Variants in PTPRD observed in about 807,000 individuals in gnomAD.
PTPRD encodes the protein receptor-type tyrosine-protein phosphatase delta.
Under a neutral mutation model 214.5 loss-of-function variants are expected in PTPRD, and 34 were observed. The observed-to-expected ratio is 0.16, with a 90% confidence interval of 0.12 to 0.21. The LOEUF (loss-of-function observed/expected upper bound fraction) is 0.21, where lower values mean the gene tolerates loss of function less well. Ranked by LOEUF, PTPRD falls within the 10% of genes least tolerant of loss-of-function variation. The pLI is 1.00. For synonymous variants in PTPRD, 1,128 were observed against 845.7 expected (o/e 1.33, Z -5.79); for missense variants, 2,545 against 2,398.7 (o/e 1.06, Z -1.27).
chr9:8,906,784 G>C (rs2098710788), intron 11 of PTPRD, among the ~76,000 whole-genome samples: 1 of 151,950 alleles, frequency 6.6e-6, no homozygotes, highest in Admixed American at 6.6e-5. Context: ...CTTTTCGGCA[G>C]ACTATATGAC....
intron 9 of PTPRD, among the ~76,000 whole-genome samples, chr9:9,218,794 G>A (rs1569563799): frequency 6.6e-6 from 1 of 152,066 alleles, no homozygotes; most frequent in Non-Finnish European, 1.5e-5. Flanking sequence ...TGTCATGAAT[G>A]CCCGGCCCTC....
chr9:8,768,431 A>G (rs941105767), intron 11 of PTPRD, among the ~76,000 whole-genome samples: 4 of 152,138 alleles, frequency 2.6e-5, no homozygotes, highest in Non-Finnish European at 5.9e-5. Context: ...ACACACCTGT[A>G]GTCCCAGCTA....
At chr9:10,293,122 G>C (rs1012005055) in intron 3 of PTPRD, among the ~76,000 whole-genome samples, 6 of 151,894 alleles carry the variant, frequency 4.0e-5, no homozygotes, top group Non-Finnish European at 8.8e-5. Flanking sequence ...GGATCATGCA[G>C]ATAATGGCTA....
chr9:9,517,223 A>G (rs984090001), intron 8 of PTPRD, among the ~76,000 whole-genome samples: 13 of 152,114 alleles, frequency 8.5e-5, no homozygotes, highest in African/African-American at 2.7e-4. Context: ...CTCTCTGTGT[A>G]TCCACTACCC....
intron 2 of PTPRD, among the ~76,000 whole-genome samples, chr9:10,602,020 G>T (rs1417864209): frequency 1.3e-5 from 2 of 151,748 alleles, no homozygotes; most frequent in African/African-American, 4.8e-5. Context: ...GAGATTTGGT[G>T]CTCATGAAAT....
Position 8,811,926 on chromosome 9 carries a change from G to A in PTPRD, c.-103-77980C>T, listed in dbSNP as rs573250442. ...CCACTTGGGTGGGGACTTGAGGCTT[G>A]TGAGGCCTGAGTGAAGATCTGCACA... On this transcript the variant is annotated intron_variant, in intron 11 of 45. Coordinates refer to ENST00000381196, the MANE Select transcript of PTPRD (RefSeq NM_002839.4). Among the ~76,000 whole-genome samples, 137 of 152,276 alleles carry A rather than the reference G, an allele frequency of 9.0e-4. 1 individual carries two copies. The highest frequency in any genetic ancestry group is 3.2e-3 in the African/African-American group (133 of 41,558).
chr9:9,460,102 T>C (rs1270894494), intron 8 of PTPRD, among the ~76,000 whole-genome samples: 3 of 151,952 alleles, frequency 2.0e-5, no homozygotes, highest in Non-Finnish European at 1.5e-5. Flanking sequence ...GGAAAGGACA[T>C]CTTATTCAAT....
intron 4 of PTPRD, among the ~76,000 whole-genome samples, chr9:9,962,750 A>G (rs987393041): frequency 6.6e-6 from 1 of 152,130 alleles, no homozygotes; most frequent in African/African-American, 2.4e-5. Flanking sequence ...TTACTGGCTG[A>G]AACTACACAT....
At chr9:9,854,449 G>T (rs989296442) in intron 5 of PTPRD, among the ~76,000 whole-genome samples, 1 of 151,762 alleles carries the variant, frequency 6.6e-6, no homozygotes, top group Non-Finnish European at 1.5e-5. Context: ...TATAAAGTTT[G>T]TCAAGGAGTA....
intron 4 of PTPRD, among the ~76,000 whole-genome samples, chr9:10,020,492 G>A (rs1282103386): frequency 4.1e-5 from 5 of 122,678 alleles, no homozygotes; most frequent in Admixed American, 1.8e-4. Flanking sequence ...TAGTAGAGAC[G>A]GGGTTTCACC....
At chr9:9,633,305 G>GA (rs750323148) in intron 7 of PTPRD, among the ~76,000 whole-genome samples, 1,676 of 144,524 alleles carry the variant, frequency 0.012, 18 homozygotes, top group Middle Eastern at 0.021. Context: ...CCATCTCAGG[G>GA]AAAAAAAAAA....
At chr9:10,359,317 A>G (rs181999196) in intron 2 of PTPRD, among the ~76,000 whole-genome samples, 52 of 152,178 alleles carry the variant, frequency 3.4e-4, no homozygotes, top group African/African-American at 1.3e-3. Flanking sequence ...GTAGTAAAGA[A>G]GAGCTTATAA....
intron 3 of PTPRD, among the ~76,000 whole-genome samples, chr9:10,324,905 T>A (rs1459350242): frequency 1.3e-5 from 2 of 152,018 alleles, no homozygotes; most frequent in Non-Finnish European, 1.5e-5. Context: ...CAAATCAAAA[T>A]TTCAAATTTT....
chr9:8,596,585 T>C (rs927103513), intron 14 of PTPRD, among the ~76,000 whole-genome samples: 3 of 152,010 alleles, frequency 2.0e-5, no homozygotes, highest in African/African-American at 7.2e-5. Flanking sequence ...AAAACAAGAC[T>C]GGTTTCAATA....
intron 10 of PTPRD, among the ~76,000 whole-genome samples, chr9:9,109,836 G>A (rs1241634373): frequency 6.6e-6 from 1 of 152,120 alleles, no homozygotes; most frequent in African/African-American, 2.4e-5. Flanking sequence ...GAGTTGGAGA[G>A]TCTGGGGATG....
At chr9:9,341,264 G>A (rs1046791204) in intron 9 of PTPRD, among the ~76,000 whole-genome samples, 4 of 152,110 alleles carry the variant, frequency 2.6e-5, no homozygotes, top group African/African-American at 9.6e-5. Context: ...TCCATCTGTA[G>A]GCTCAGCCTG....
At chr9:8,681,088 C>G (rs1169605418) in intron 12 of PTPRD, among the ~76,000 whole-genome samples, 2 of 152,224 alleles carry the variant, frequency 1.3e-5, no homozygotes. Context: ...CCTCAAGTGT[C>G]CTCCACATTC....
intron 10 of PTPRD, among the ~76,000 whole-genome samples, chr9:9,094,948 C>T (rs1455845193): frequency 6.6e-6 from 1 of 152,124 alleles, no homozygotes; most frequent in Non-Finnish European, 1.5e-5. Flanking sequence ...CAAATCAAAT[C>T]TAGCAAATAG....
At chr9:10,559,838 G>A (rs577984784) in intron 2 of PTPRD, among the ~76,000 whole-genome samples, 42 of 152,156 alleles carry the variant, frequency 2.8e-4, no homozygotes, top group African/African-American at 9.6e-4. Flanking sequence ...TCAGAGAAAT[G>A]CAAATCAAAA....
Sources: allele counts gnomAD v4.1 joint callset (sites outside exome capture counted in the v4.1 genomes callset), GRCh38; gene constraint gnomAD v4.1.1; transcripts MANE v1.5; gene names NCBI Gene and HGNC (gene_info 2026-07-23, HGNC 2026-07-21).